BRWD1: variants seen among roughly 807,000 people sequenced by gnomAD.
BRWD1 encodes bromodomain and WD repeat-containing protein 1.
In BRWD1, 82 loss-of-function variants were observed where a neutral mutation model predicts 251.2. The ratio of observed to expected loss-of-function variants is 0.33; its 90% CI spans 0.27 to 0.39. The LOEUF is 0.39. BRWD1 is among the 10% of genes least tolerant of loss of function. BRWD1 has a pLI of 1.00. For synonymous variants in BRWD1, 918 were observed against 902.8 expected (o/e 1.02, Z -0.30); for missense variants, 2,233 against 2,711.6 (o/e 0.82, Z 3.92).
chr21:39,277,808 C>T (rs1169958112), intron 10 of BRWD1, among the ~76,000 whole-genome samples: 1 of 152,036 alleles, frequency 6.6e-6, no homozygotes, highest in African/African-American at 2.4e-5. Context: ...TCAGGTGATC[C>T]ACCCGCCTCA....
intron 13 of BRWD1, among the ~76,000 whole-genome samples, chr21:39,273,121 G>A (rs1175899724): frequency 2.0e-5 from 3 of 152,270 alleles, no homozygotes; most frequent in East Asian, 3.9e-4. Flanking sequence ...GATCGAGTGC[G>A]TCAGCAAGAA....
chr21:39,223,285 T>C (rs1393913998), intron 29 of BRWD1, among the ~76,000 whole-genome samples: 1 of 152,178 alleles, frequency 6.6e-6, no homozygotes, highest in South Asian at 2.1e-4. Flanking sequence ...AAGTCTGAAA[T>C]TATCTTGAAA....
In BRWD1 at chr21:39,191,790, T is replaced by C. The variant is rs757817320; in HGVS notation, c.*4469A>G. 117 of 985,094 alleles carry C rather than the reference T, an allele frequency of 1.2e-4. No homozygotes were observed. The highest frequency in any genetic ancestry group is 1.3e-4 in the Non-Finnish European group (109 of 829,754). The allele number at this position is 985,094 out of a possible 1,614,324, so 61.0% of individuals were successfully genotyped here. On this transcript the variant is annotated 3_prime_UTR_variant, in exon 41 of 41. Transcript: ENST00000342449. ...GGTCATCTCATTTCAGTTAGGTCAA[T>C]TGGACTGCCTCTTCTCTTTGGCAGT...
intron 36 of BRWD1, among the ~76,000 whole-genome samples, chr21:39,207,914 T>C (rs1459807059): frequency 6.6e-6 from 1 of 152,280 alleles, no homozygotes; most frequent in African/African-American, 2.4e-5. Flanking sequence ...AGGACAAATA[T>C]GGTAAGATCT....
At chr21:39,319,147 A>G (rs2036725439) in intron 1 of BRWD1, among the ~76,000 whole-genome samples, 1 of 152,180 alleles carries the variant, frequency 6.6e-6, no homozygotes, top group Admixed American at 6.5e-5. Context: ...ATTATATTGC[A>G]TTTAATTCCT....
chr21:39,229,042 G>C (rs2033500398), intron 26 of BRWD1, among the ~76,000 whole-genome samples: 1 of 152,058 alleles, frequency 6.6e-6, no homozygotes, highest in Admixed American at 6.6e-5. Flanking sequence ...AAAAAATTTG[G>C]CCCGTATGTC....
At chr21:39,253,580 A>G (rs901149863) in intron 19 of BRWD1, among the ~76,000 whole-genome samples, 9 of 152,184 alleles carry the variant, frequency 5.9e-5, no homozygotes, top group African/African-American at 2.2e-4. Flanking sequence ...TAATTACAGC[A>G]TACTATATAC....
chr21:39,199,541 G>T lies in BRWD1; in HGVS notation c.4875C>A (p.Asn1625Lys). ...GEILKARAGNNRKVLRKCAAV... is the reference protein window; with the variant it reads ...GEILKARAGNKRKVLRKCAAV... ...CAGCACACTTCCTTAAGACTTTTCG[G>T]TTATTTCCAGCTCTGGCTTTTAGAA... The change falls in exon 40 of 41, where the codon AAC becomes AAA. Residue 1625 changes from asparagine (N) to lysine (K), a missense_variant. By Grantham distance (94) the Asn-to-Lys change is moderately conservative (BLOSUM62 0). Coordinates refer to ENST00000342449, the MANE Select transcript of BRWD1 (RefSeq NM_033656.4). The T allele has an allele frequency of 6.2e-7, 1 of 1,614,134 alleles. No homozygotes were observed. Among genetic ancestry groups the T allele is most frequent in the East Asian group, 2.2e-5 (1 of 44,882 alleles).
In BRWD1 at chr21:39,291,757, T is replaced by C. The variant is rs184469520; in HGVS notation, c.831+2054A>G. ...CCCCTCTCATCACGTGACATATGTG[T>C]CAGCATGATTCCTTAGTGCATCTGC... On this transcript the variant is annotated intron_variant, in intron 8 of 40. Coordinates refer to ENST00000342449, the MANE Select transcript of BRWD1 (RefSeq NM_033656.4). Among the ~76,000 whole-genome samples, 4 of 152,170 alleles carry C rather than the reference T, an allele frequency of 2.6e-5. No individual in the cohort carries two copies. The East Asian group carries it at 7.8e-4, about 30-fold the overall frequency.
rs1269725378 is a variant in BRWD1, at chr21:39,191,783, A to G, written c.*4476T>C. 1 of 985,030 alleles carries G rather than the reference A, an allele frequency of 1.0e-6. No homozygotes were observed. The highest frequency in any genetic ancestry group is 1.2e-6 in the Non-Finnish European group (1 of 829,690). The allele number at this position is 985,030 out of a possible 1,614,324, so 61.0% of individuals were successfully genotyped here. On this transcript the variant is annotated 3_prime_UTR_variant, in exon 41 of 41. Coordinates refer to ENST00000342449, the MANE Select transcript of BRWD1 (RefSeq NM_033656.4). ...ATATACTGGTCATCTCATTTCAGTTAGGTCAATTGGACTGCCTCTTCTCTT... is the reference window on the plus strand; with the variant it reads ...ATATACTGGTCATCTCATTTCAGTTGGGTCAATTGGACTGCCTCTTCTCTT...
chr21:39,205,351 C>A (rs563667147), intron 37 of BRWD1, among the ~76,000 whole-genome samples: 1 of 152,210 alleles, frequency 6.6e-6, no homozygotes, highest in South Asian at 2.1e-4. Context: ...GTGACACACC[C>A]CTGTTATCCC....
rs2031802353 is a variant in BRWD1, at chr21:39,196,216, TGCCAG to T, written c.*38_*42del. The T allele has an allele frequency of 6.6e-7, 1 of 1,507,416 alleles. No individual in the cohort carries two copies. The highest frequency in any genetic ancestry group is 2.4e-5 in the Admixed American group (1 of 41,770). 93.4% of individuals were successfully genotyped at this position (1,507,416 alleles called of 1,614,324 possible). On this transcript the variant is annotated 3_prime_UTR_variant, in exon 41 of 41. Coordinates refer to ENST00000342449, the MANE Select transcript of BRWD1 (RefSeq NM_033656.4). ...TTTAACAGCCAGCTTTCACCATAAA[TGCCAG>T]TCCATTTCCTCTTAAATGAACTGGC...
At position 39,195,954 on chromosome 21, in the gene BRWD1, TGG is replaced by T; in HGVS notation, c.*303_*304del. On this transcript the variant is annotated 3_prime_UTR_variant, in exon 41 of 41. Coordinates refer to ENST00000342449, the MANE Select transcript of BRWD1 (RefSeq NM_033656.4). ...TTGCTGCCATGAAAGTAATGCTCAT[TGG>T]TTTTGATAACCAGGATGTCTAGTGT... is the stretch of plus-strand genomic sequence containing the variant. 1.7e-5 allele frequency: 18 copies of T among 1,048,780 alleles called. No individual in the cohort carries two copies. Among genetic ancestry groups the T allele is most frequent in the Non-Finnish European group, 1.9e-5 (17 of 872,244 alleles). The allele number at this position is 1,048,780 out of a possible 1,614,324, so 65.0% of individuals were successfully genotyped here. A position where few individuals can be genotyped will look rare whatever the true frequency, so the allele number is the denominator to read the frequency against.
chr21:39,283,142 T>G (rs1466634183), intron 8 of BRWD1, among the ~76,000 whole-genome samples: 3 of 152,200 alleles, frequency 2.0e-5, no homozygotes, highest in Non-Finnish European at 4.4e-5. Context: ...TAAAACATTT[T>G]TATATCTCCA....
rs531888660 is a variant in BRWD1, at chr21:39,300,753, T to C, written c.199-2171A>G. The stretch of plus-strand genomic sequence containing the variant: ...CATGGTCAAGAGGGGAAATGGTCAA[T>C]AGAAGCAGACCTAGAGATGGCCCAG... On this transcript the variant is annotated intron_variant, in intron 4 of 40. Transcript: ENST00000342449. Among the ~76,000 whole-genome samples the C allele has an allele frequency of 9.8e-5, 15 of 152,308 alleles. No individual in the cohort carries two copies. The South Asian group carries it at 2.9e-3, about 29-fold the overall frequency.
chr21:39,282,955 G>A (rs1404412332), intron 8 of BRWD1, among the ~76,000 whole-genome samples: 2 of 116,726 alleles, frequency 1.7e-5, no homozygotes, highest in Non-Finnish European at 1.7e-5. Context: ...GCGGAACTCC[G>A]TCACAAAAAA....
intron 33 of BRWD1, 44 bp downstream of exon 33, chr21:39,213,437 T>C: frequency 6.6e-7 from 1 of 1,508,790 alleles, no homozygotes; most frequent in Non-Finnish European, 9.2e-7. Context: ...AAAAATACCA[T>C]TTGAAATTAA....
chr21:39,282,674 G>A (rs1023314566), intron 8 of BRWD1, among the ~76,000 whole-genome samples: 2 of 152,018 alleles, frequency 1.3e-5, no homozygotes, highest in Non-Finnish European at 2.9e-5. Context: ...GAGAATTCTA[G>A]AGGCCAAGCA....
chr21:39,210,247 G>C (rs186745632), intron 35 of BRWD1, 100 bp from the exon 36 acceptor site: 18 of 996,026 alleles, frequency 1.8e-5, no homozygotes, highest in Non-Finnish European at 2.5e-5. Flanking sequence ...TGGAAGAGAG[G>C]AAAAGGTTAG....
Sources: allele counts gnomAD v4.1 joint callset (sites outside exome capture counted in the v4.1 genomes callset), GRCh38; gene constraint gnomAD v4.1.1; transcripts MANE v1.5; gene names NCBI Gene and HGNC (gene_info 2026-07-23, HGNC 2026-07-21).